CD86: variants seen among roughly 807,000 people sequenced by gnomAD.
The protein encoded by CD86 is CD86 molecule.
Under a neutral mutation model 32.1 loss-of-function variants are expected in CD86, and 11 were observed. The ratio of observed to expected loss-of-function variants is 0.34; its 90% CI spans 0.22 to 0.57. The LOEUF is 0.57. Among genes scored for constraint, CD86 ranks in the 20% least tolerant of loss-of-function variants. CD86 has a pLI of 0.86. For missense variants in CD86, 359 were observed against 398.4 expected (o/e 0.90, Z 0.84); for synonymous variants, 137 against 135.3 (o/e 1.01, Z -0.09).
At chr3:122,092,455 G>A (rs1408175114) in intron 2 of CD86, among the ~76,000 whole-genome samples, 1 of 152,046 alleles carries the variant, frequency 6.6e-6, no homozygotes, top group East Asian at 1.9e-4. Context: ...AGCAGTCAGG[G>A]GCATTTTGTA....
chr3:122,091,196 T>G (rs893674730), intron 1 of CD86, among the ~76,000 whole-genome samples: 26 of 152,198 alleles, frequency 1.7e-4, no homozygotes, highest in Admixed American at 1.4e-3. Context: ...GAGAGCTGCT[T>G]TATTAGTTTA....
chr3:122,091,575 T>G, intron 1 of CD86, 26 bp from the exon 2 acceptor site: 1 of 1,440,650 alleles, frequency 6.9e-7, no homozygotes, highest in Non-Finnish European at 9.2e-7. Context: ...CTAATCAAGT[T>G]TTACCTTTTT....
intron 1 of CD86, among the ~76,000 whole-genome samples, chr3:122,057,449 A>C (rs2072253638): frequency 1.3e-5 from 2 of 152,212 alleles, no homozygotes; most frequent in East Asian, 3.8e-4. Context: ...TAATGTGTTT[A>C]GTTAAAGGGG....
At chr3:122,107,391 G>A (rs1239293276) in intron 4 of CD86, among the ~76,000 whole-genome samples, 1 of 152,186 alleles carries the variant, frequency 6.6e-6, no homozygotes, top group African/African-American at 2.4e-5. Context: ...AGCCTTGGAG[G>A]CAGAAATGCT....
chr3:122,077,803 G>C, intron 1 of CD86: 1 of 985,520 alleles, frequency 1.0e-6, no homozygotes, highest in Non-Finnish European at 1.2e-6. Flanking sequence ...TTGGAACCAA[G>C]CAAGAGCACT....
intron 4 of CD86, 30 bp from the exon 5 acceptor site, chr3:122,109,235 G>A (rs1262312703): frequency 6.2e-7 from 1 of 1,605,490 alleles, no homozygotes; most frequent in South Asian, 1.1e-5. Flanking sequence ...TGACTCTCCT[G>A]GCTGATTGAA....
chr3:122,106,149 A>T (rs1402083112), intron 3 of CD86, 49 bp from the exon 4 acceptor site: 2 of 1,402,156 alleles, frequency 1.4e-6, no homozygotes, highest in Non-Finnish European at 1.9e-6. Context: ...TCCCTCCTAG[A>T]TACATCTAAA....
At chr3:122,091,788 G>T (rs1020405633) in intron 2 of CD86, 138 bp downstream of exon 2, 2 of 692,696 alleles carry the variant, frequency 2.9e-6, no homozygotes, top group Non-Finnish European at 5.1e-6. Context: ...ATGCAAAAAA[G>T]ACTTTCCTGG....
intron 2 of CD86, among the ~76,000 whole-genome samples, chr3:122,094,869 C>T (rs1018136057): frequency 2.6e-5 from 4 of 152,318 alleles, no homozygotes; most frequent in African/African-American, 9.6e-5. Flanking sequence ...CAGTTTGTGC[C>T]TTGTATTTAC....
intron 1 of CD86, among the ~76,000 whole-genome samples, chr3:122,056,396 G>T (rs2715263): frequency 2.0e-5 from 3 of 152,082 alleles, no homozygotes; most frequent in Admixed American, 6.6e-5. Flanking sequence ...GTGCAGTGGC[G>T]CAATCTCAGC....
chr3:122,058,832 T>A (rs577739321), intron 1 of CD86, among the ~76,000 whole-genome samples: 26 of 152,062 alleles, frequency 1.7e-4, no homozygotes, highest in African/African-American at 6.0e-4. Flanking sequence ...ACTATTGGAG[T>A]AAGCCAAGGA....
intron 1 of CD86, among the ~76,000 whole-genome samples, chr3:122,088,345 G>A (rs577290320): frequency 3.3e-5 from 5 of 152,052 alleles, no homozygotes; most frequent in Admixed American, 2.6e-4. Flanking sequence ...TCTTTTGCCC[G>A]CTTTTAGTTT....
chr3:122,064,025 C>T (rs1313485010), intron 1 of CD86, among the ~76,000 whole-genome samples: 1 of 152,148 alleles, frequency 6.6e-6, no homozygotes, highest in Non-Finnish European at 1.5e-5. Context: ...AAAAAGTCAG[C>T]TCATGCAAAA....
chr3:122,109,525 TG>T (rs778628319), intron 5 of CD86, 117 bp downstream of exon 5: 42 of 1,210,414 alleles, frequency 3.5e-5, no homozygotes, highest in Non-Finnish European at 4.8e-5. Flanking sequence ...AGGAAGTTGT[TG>T]GGAAAAAAGG....
chr3:122,108,152 C>T (rs2073119812), intron 4 of CD86, among the ~76,000 whole-genome samples: 1 of 152,240 alleles, frequency 6.6e-6, no homozygotes, highest in Non-Finnish European at 1.5e-5. Context: ...AACTACTGTT[C>T]TGCCAAACTT....
intron 1 of CD86, chr3:122,077,929 C>T (rs553980659): frequency 3.0e-6 from 3 of 985,332 alleles, no homozygotes; most frequent in Admixed American, 6.2e-5. Context: ...ACGGGGAGCT[C>T]GCAAATACTC....
At chr3:122,078,111 G>A in intron 1 of CD86, 2 of 942,202 alleles carry the variant, frequency 2.1e-6, no homozygotes, top group African/African-American at 3.5e-5. Context: ...TGCATCTGGG[G>A]CAGAAATGCT....
At chr3:122,113,315 G>A (rs1245829772) in intron 5 of CD86, among the ~76,000 whole-genome samples, 17 of 152,144 alleles carry the variant, frequency 1.1e-4, no homozygotes, top group Non-Finnish European at 2.1e-4. Flanking sequence ...ATAAACATGC[G>A]TGTGCATGTG....
intron 5 of CD86, among the ~76,000 whole-genome samples, chr3:122,115,142 A>G (rs1459328783): frequency 6.6e-6 from 1 of 152,250 alleles, no homozygotes; most frequent in Non-Finnish European, 1.5e-5. Flanking sequence ...AAAACCTATT[A>G]AAACTGATAA....
Sources: gnomAD v4.1 joint callset for allele counts (sites outside exome capture counted in the v4.1 genomes callset) on GRCh38, gnomAD v4.1.1 for gene constraint, MANE v1.5 for transcripts, NCBI Gene and HGNC (gene_info 2026-07-23, HGNC 2026-07-21) for gene names.